Variants in ADCY2 observed in about 807,000 individuals in gnomAD.
ADCY2 encodes the protein adenylate cyclase type 2.
In ADCY2, 31 loss-of-function variants were observed where a neutral mutation model predicts 125.2. That is an observed-to-expected ratio of 0.25 (90% CI 0.19 to 0.33). The LOEUF (loss-of-function observed/expected upper bound fraction) is 0.33, where lower values mean the gene tolerates loss of function less well. ADCY2 is among the 10% of genes least tolerant of loss of function. The pLI, the probability that ADCY2 is intolerant of heterozygous loss-of-function variation, is 1.00. For synonymous variants in ADCY2, 512 were observed against 548.4 expected (o/e 0.93, Z 0.93); for missense variants, 904 against 1,418.2 (o/e 0.64, Z 5.82).
chr5:7,592,686 A>G (rs1736887469), intron 3 of ADCY2, among the ~76,000 whole-genome samples: 1 of 152,256 alleles, frequency 6.6e-6, no homozygotes, highest in South Asian at 2.1e-4. Flanking sequence ...TGATGCCAAA[A>G]CAATCATCAG....
intron 14 of ADCY2, among the ~76,000 whole-genome samples, chr5:7,734,515 A>C (rs1250534079): frequency 6.6e-6 from 1 of 152,182 alleles, no homozygotes; most frequent in Non-Finnish European, 1.5e-5. Context: ...TTCTTGCCTC[A>C]TGACAGGGAA....
intron 3 of ADCY2, among the ~76,000 whole-genome samples, chr5:7,543,567 C>T (rs548036551): frequency 6.6e-6 from 1 of 152,212 alleles, no homozygotes; most frequent in East Asian, 1.9e-4. Flanking sequence ...ACATGTGAAA[C>T]CGATGAAGGT....
chr5:7,678,996 T>A (rs1235982875), intron 4 of ADCY2, among the ~76,000 whole-genome samples: 3 of 152,262 alleles, frequency 2.0e-5, no homozygotes, highest in African/African-American at 7.2e-5. Flanking sequence ...CAATGGCCTC[T>A]GTGTTCTGTA....
intron 3 of ADCY2, among the ~76,000 whole-genome samples, chr5:7,524,333 A>C (rs1375810213): frequency 6.6e-6 from 1 of 152,168 alleles, no homozygotes; most frequent in Non-Finnish European, 1.5e-5. Flanking sequence ...CTGATGCCCC[A>C]CCACCCCAAA....
chr5:7,766,617 G>C, intron 16 of ADCY2, 70 bp from the exon 17 acceptor site: 1 of 1,535,324 alleles, frequency 6.5e-7, no homozygotes, highest in Non-Finnish European at 8.9e-7. Context: ...AATTCATAAA[G>C]TTAGCACCCA....
chr5:7,511,295 G>A (rs907259566), intron 2 of ADCY2, among the ~76,000 whole-genome samples: 10 of 152,190 alleles, frequency 6.6e-5, no homozygotes, highest in African/African-American at 1.7e-4. Context: ...GAATGTAGGG[G>A]CCAGGGGCGG....
chr5:7,554,934 C>T (rs1735455361), intron 3 of ADCY2, among the ~76,000 whole-genome samples: 2 of 152,194 alleles, frequency 1.3e-5, no homozygotes, highest in African/African-American at 4.8e-5. Context: ...CCTCTCTCAG[C>T]TTCCCAGGTG....
chr5:7,579,841 G>A, intron 3 of ADCY2, among the ~76,000 whole-genome samples: 1 of 152,290 alleles, frequency 6.6e-6, no homozygotes, highest in East Asian at 1.9e-4. Context: ...TATAACCACA[G>A]TATCAAAGAC....
intron 4 of ADCY2, among the ~76,000 whole-genome samples, chr5:7,673,580 G>T (rs919119249): frequency 1.3e-5 from 2 of 152,132 alleles, no homozygotes; most frequent in Non-Finnish European, 2.9e-5. Flanking sequence ...CCTGTGCCCT[G>T]CAGGATGCAT....
intron 2 of ADCY2, among the ~76,000 whole-genome samples, chr5:7,512,359 G>A (rs986075886): frequency 6.6e-6 from 1 of 152,080 alleles, no homozygotes; most frequent in East Asian, 1.9e-4. Flanking sequence ...TGTAAGAAAG[G>A]CTGTTTGGAT....
chr5:7,698,990 T>G (rs1240618509), intron 7 of ADCY2, among the ~76,000 whole-genome samples: 1 of 147,212 alleles, frequency 6.8e-6, no homozygotes, highest in Non-Finnish European at 1.5e-5. Flanking sequence ...TTGAACTAAT[T>G]TACACTCCCA....
In ADCY2 at chr5:7,709,203, AC is replaced by A; in HGVS notation, c.1402-4del. ...TGCCAGGTGTGATGCTTTGTTTCTC[AC>A]CCCAAGGGAGAACGACGGAGCCCCC... On this transcript the variant is annotated splice_region_variant and splice_polypyrimidine_tract_variant and intron_variant, in intron 9 of 24. Coordinates refer to ENST00000338316, the MANE Select transcript of ADCY2 (RefSeq NM_020546.3). This position sits in a 1 kb window ranked among gnomAD's most constrained non-coding sequence, Gnocchi z 4.4. 6.3e-7 allele frequency: 1 copy of A among 1,591,038 alleles called. No individual in the cohort carries two copies. The highest frequency in any genetic ancestry group is 8.6e-7 in the Non-Finnish European group (1 of 1,168,722).
At chr5:7,564,139 A>G (rs1460994254) in intron 3 of ADCY2, among the ~76,000 whole-genome samples, 2 of 152,330 alleles carry the variant, frequency 1.3e-5, no homozygotes, top group Admixed American at 6.5e-5. Flanking sequence ...CCCCTTGAAC[A>G]TGGTAGCTTT....
At chr5:7,541,822 A>G (rs968228155) in intron 3 of ADCY2, among the ~76,000 whole-genome samples, 6 of 152,350 alleles carry the variant, frequency 3.9e-5, no homozygotes, top group Admixed American at 6.5e-5. Flanking sequence ...CAAATTGTTG[A>G]AGATTAGAAC....
rs570287650 is a variant in ADCY2 at position 7,773,877 on chromosome 5, A to T, written c.2384+776A>T. Among the ~76,000 whole-genome samples, 12 of 152,300 alleles carry T rather than the reference A, an allele frequency of 7.9e-5. No homozygotes were observed. In the South Asian group the frequency reaches 2.3e-3, roughly 29 times the overall value. On this transcript the variant is annotated intron_variant, in intron 18 of 24. Coordinates refer to ENST00000338316, the MANE Select transcript of ADCY2 (RefSeq NM_020546.3). ...TATAATGAATATTTGTTTGAAAAAA[A>T]TTGTTTTAATCATTATGATACTTTC...
At chr5:7,800,865 C>T (rs76282840) in intron 20 of ADCY2, 2,880 of 152,194 alleles carry the variant, frequency 0.019, 107 homozygotes, top group African/African-American at 0.066. Context: ...GGCTGTCTAC[C>T]GAGGATATGA....
At chr5:7,649,840 C>T (rs1341136065) in intron 4 of ADCY2, among the ~76,000 whole-genome samples, 1 of 152,138 alleles carries the variant, frequency 6.6e-6, no homozygotes, top group Non-Finnish European at 1.5e-5. Flanking sequence ...CTTTCCCCCT[C>T]TTTACCCCTC....
chr5:7,657,221 C>T (rs1272973034), intron 4 of ADCY2, among the ~76,000 whole-genome samples: 1 of 152,130 alleles, frequency 6.6e-6, no homozygotes, highest in Non-Finnish European at 1.5e-5. Flanking sequence ...CCTGTAATAA[C>T]ATGCTCCCCA....
At chr5:7,581,313 CAT>C (rs1299931086) in intron 3 of ADCY2, among the ~76,000 whole-genome samples, 1 of 151,314 alleles carries the variant, frequency 6.6e-6, no homozygotes, top group Non-Finnish European at 1.5e-5. Flanking sequence ...TACAAACACA[CAT>C]ATATTTCATA....
Sources: gnomAD v4.1 joint callset for allele counts (sites outside exome capture counted in the v4.1 genomes callset) on GRCh38, gnomAD v4.1.1 for gene constraint, Gnocchi (gnomAD v3.1) non-coding constraint, MANE v1.5 for transcripts, NCBI Gene and HGNC (gene_info 2026-07-23, HGNC 2026-07-21) for gene names.